The following DUSP16 variants were observed in gnomAD, a reference collection of about 807,000 sequenced individuals.
DUSP16 encodes the protein dual specificity phosphatase 16.
A neutral mutation model predicts 58.3 loss-of-function variants in DUSP16; 21 were observed. The ratio of observed to expected loss-of-function variants is 0.36; its 90% CI spans 0.26 to 0.52. DUSP16 has a LOEUF of 0.52. Among genes scored for constraint, DUSP16 ranks in the 20% least tolerant of loss-of-function variants. The pLI is 0.94. For missense variants in DUSP16, 726 were observed against 819.0 expected (o/e 0.89, Z 1.39); for synonymous variants, 320 against 323.8 (o/e 0.99, Z 0.12).
chr12:12,562,563 G>T lies in DUSP16; in HGVS notation c.-812C>A, dbSNP rs1316066353. On this transcript the variant is annotated 5_prime_UTR_variant, in exon 1 of 7. Coordinates refer to ENST00000298573, the MANE Select transcript of DUSP16 (RefSeq NM_030640.3). ...ATACATAGAAAGAGGGGGAAAGGCG[G>T]GGGGGTGGGGTGGGGGGTTGGGGGA... Among the ~76,000 whole-genome samples, 1 of 148,934 alleles carries T rather than the reference G, an allele frequency of 6.7e-6. No homozygotes were observed. Among genetic ancestry groups the T allele is most frequent in the Admixed American group, 6.7e-5 (1 of 15,014 alleles).
At chr12:12,484,451 A>G (rs1053041886) in intron 5 of DUSP16, among the ~76,000 whole-genome samples, 4 of 152,086 alleles carry the variant, frequency 2.6e-5, no homozygotes, top group African/African-American at 9.7e-5. Context: ...CATATTCTCT[A>G]TTCTCTTCTC....
At chr12:12,524,249 G>A (rs1944272705) in intron 1 of DUSP16, among the ~76,000 whole-genome samples, 1 of 152,198 alleles carries the variant, frequency 6.6e-6, no homozygotes, top group African/African-American at 2.4e-5. Flanking sequence ...TCTGGTCAAA[G>A]TGACTCTAAG....
At position 12,520,944 on chromosome 12, in the gene DUSP16, T is replaced by A; in HGVS notation, c.155A>T (p.Lys52Met). The A allele has an allele frequency of 6.2e-7, 1 of 1,614,210 alleles. No homozygotes were observed. Among genetic ancestry groups the A allele is most frequent in the Non-Finnish European group, 8.5e-7 (1 of 1,180,034 alleles). ...CTGTTGCAACCTTCGCTTCATAAGC[T>A]TGGAGCAGTTGATATTAATGGCTTC... Reference protein sequence around the residue: ...ILEAININCSKLMKRRLQQDK... With the variant: ...ILEAININCSMLMKRRLQQDK... Residue 52 changes from lysine to methionine, a missense_variant, in exon 2 of 7, where the codon AAG becomes ATG. Transcript: ENST00000298573.
At chr12:12,503,006 C>CA (rs1251186770) in intron 3 of DUSP16, among the ~76,000 whole-genome samples, 1 of 152,146 alleles carries the variant, frequency 6.6e-6, no homozygotes, top group African/African-American at 2.4e-5. Context: ...AGTAAGAACA[C>CA]AAGCCCTTGT....
At chr12:12,486,395 A>G (rs1423585223) in intron 5 of DUSP16, among the ~76,000 whole-genome samples, 1 of 152,168 alleles carries the variant, frequency 6.6e-6, no homozygotes, top group Admixed American at 6.5e-5. Flanking sequence ...GAGAAGCTCC[A>G]GAATTGAACA....
At chr12:12,513,734 T>C (rs1011742014) in intron 3 of DUSP16, among the ~76,000 whole-genome samples, 6 of 152,338 alleles carry the variant, frequency 3.9e-5, no homozygotes, top group East Asian at 3.9e-4. Flanking sequence ...AAGGACATAG[T>C]AGAACAGCAT....
intron 3 of DUSP16, among the ~76,000 whole-genome samples, chr12:12,501,707 C>T (rs1021979074): frequency 6.6e-5 from 10 of 152,112 alleles, no homozygotes; most frequent in Non-Finnish European, 1.5e-4. Context: ...AATTTAAAAA[C>T]AAGGCAGGGC....
chr12:12,513,614 A>G (rs909332011), intron 3 of DUSP16, among the ~76,000 whole-genome samples: 1 of 152,202 alleles, frequency 6.6e-6, no homozygotes, highest in Non-Finnish European at 1.5e-5. Context: ...TTCTCCCGCA[A>G]TCGCTGTAGG....
chr12:12,540,397 G>C (rs146186272), intron 1 of DUSP16, among the ~76,000 whole-genome samples: 2 of 152,042 alleles, frequency 1.3e-5, no homozygotes, highest in Non-Finnish European at 2.9e-5. Context: ...AGGAGTTTTC[G>C]TAACATATTA....
In DUSP16 at chr12:12,521,206, G is replaced by T; in HGVS notation, c.-108C>A. 6.6e-7 allele frequency: 1 copy of T among 1,507,354 alleles called. No homozygotes were observed. The highest frequency in any genetic ancestry group is 8.9e-7 in the Non-Finnish European group (1 of 1,128,456). 93.4% of individuals were successfully genotyped at this position (1,507,354 alleles called of 1,614,324 possible). A position where few individuals can be genotyped will look rare whatever the true frequency, so the allele number is the denominator to read the frequency against. On this transcript the variant is annotated 5_prime_UTR_variant, in exon 2 of 7. Coordinates refer to ENST00000298573, the MANE Select transcript of DUSP16 (RefSeq NM_030640.3). ...CTCCATTGTACTAAAAGTGTATGAG[G>T]TCAGGCTGGTGGTGACTGGCAAAAG... is the stretch of plus-strand genomic sequence containing the variant.
At chr12:12,523,803 C>A (rs149707887) in intron 1 of DUSP16, among the ~76,000 whole-genome samples, 1 of 152,200 alleles carries the variant, frequency 6.6e-6, no homozygotes, top group African/African-American at 2.4e-5. Flanking sequence ...CAAACCAGGG[C>A]TTCTACTACT....
intron 3 of DUSP16, among the ~76,000 whole-genome samples, chr12:12,507,385 T>C (rs995114155): frequency 2.0e-5 from 3 of 152,166 alleles, no homozygotes; most frequent in African/African-American, 4.8e-5. Context: ...ATTTATCAAC[T>C]GGCAGAGCCG....
In DUSP16 at chr12:12,473,453, C is replaced by T. The variant is rs1192156322; in HGVS notation, c.*3380G>A. 1.3e-5 allele frequency among the ~76,000 whole-genome samples: 2 copies of T among 152,190 alleles called. No individual in the cohort carries two copies. Among genetic ancestry groups the T allele is most frequent in the East Asian group, 3.8e-4 (2 of 5,198 alleles). On this transcript the variant is annotated 3_prime_UTR_variant, in exon 7 of 7. Transcript: ENST00000298573. ...AAGCCTCTCACTGAAACAACTGTTC[C>T]TCCTGTTACCCTCTATCTCTGGAGG...
In DUSP16 at chr12:12,519,856, C is replaced by A. The variant is rs548293909; in HGVS notation, c.367+6G>T. ...TGAGTCCTTTTAATTCCATCACGAGCCTTACCTGCAAGCAGGTGAACAGAG... is the reference window on the plus strand; with the variant it reads ...TGAGTCCTTTTAATTCCATCACGAGACTTACCTGCAAGCAGGTGAACAGAG... On this transcript the variant is annotated splice_donor_region_variant and intron_variant, in intron 3 of 6. Coordinates refer to ENST00000298573, the MANE Select transcript of DUSP16 (RefSeq NM_030640.3). 9.9e-6 allele frequency: 16 copies of A among 1,613,780 alleles called. No individual in the cohort carries two copies. Among genetic ancestry groups the A allele is most frequent in the Middle Eastern group, 1.6e-4 (1 of 6,084 alleles).
intron 3 of DUSP16, among the ~76,000 whole-genome samples, chr12:12,505,450 C>T (rs939775791): frequency 2.0e-5 from 3 of 152,212 alleles, no homozygotes; most frequent in African/African-American, 7.2e-5. Flanking sequence ...GGCAATTTCA[C>T]ATGACACCAA....
In DUSP16 at chr12:12,477,308, C is replaced by T. The variant is rs1405964121; in HGVS notation, c.1523G>A (p.Ser508Asn). The change falls in exon 7 of 7, where the codon AGC (serine) becomes AAC (asparagine). Residue 508 changes from serine (S) to asparagine (N), a missense_variant. Physicochemically the swap from Ser to Asn is conservative, Grantham distance 46. Transcript: ENST00000298573. The surrounding 1 kb of genome is among the most constrained non-coding windows in gnomAD (Gnocchi z 4.1). Reference sequence around the variant, plus strand: ...GCTGGTGTGGTAATTGTCCTCCACGCTCCCACTTCGATGCAGTGGAGATAA... The same window carrying T: ...GCTGGTGTGGTAATTGTCCTCCACGTTCCCACTTCGATGCAGTGGAGATAA... ...SLLSPLHRSG[S>N]VEDNYHTSFL... is the part of the protein sequence containing the mutation. 1 of 1,614,134 alleles carries T rather than the reference C, an allele frequency of 6.2e-7. No individual in the cohort carries two copies. Among genetic ancestry groups the T allele is most frequent in the Non-Finnish European group, 8.5e-7 (1 of 1,180,064 alleles).
intron 1 of DUSP16, among the ~76,000 whole-genome samples, chr12:12,547,143 T>C (rs1944651373): frequency 6.6e-6 from 1 of 152,136 alleles, no homozygotes; most frequent in African/African-American, 2.4e-5. Flanking sequence ...TTTAAAACAA[T>C]AACAGGCCAG....
At position 12,532,539 on chromosome 12, in the gene DUSP16, T is replaced by C. The variant is rs1406631635; in HGVS notation, c.-365-11076A>G. Among the ~76,000 whole-genome samples the C allele has an allele frequency of 2.0e-5, 3 of 152,126 alleles. No homozygotes were observed. In the East Asian group the frequency reaches 5.8e-4, roughly 29 times the overall value. On this transcript the variant is annotated intron_variant, in intron 1 of 6. Transcript: ENST00000298573. ...ATACTCTTTTCCATAACCTTGGAAA[T>C]TATGAAAAATATTAATATAAGGTCA...
chr12:12,504,386 C>G lies in DUSP16; in HGVS notation c.368-3704G>C, dbSNP rs528092423. Reference sequence around the variant, plus strand: ...AAGTGATCCTCCCACCTCAGCTTCCCGAGTAGCCAGGGCTACAGGGGAACA... The same window carrying G: ...AAGTGATCCTCCCACCTCAGCTTCCGGAGTAGCCAGGGCTACAGGGGAACA... On this transcript the variant is annotated intron_variant, in intron 3 of 6. Transcript: ENST00000298573. Among the ~76,000 whole-genome samples, 5 of 152,106 alleles carry G rather than the reference C, an allele frequency of 3.3e-5. No homozygotes were observed. In the South Asian group the frequency reaches 8.3e-4, roughly 25 times the overall value.
Sources: allele counts gnomAD v4.1 joint callset (sites outside exome capture counted in the v4.1 genomes callset), GRCh38; gene constraint gnomAD v4.1.1; non-coding constraint Gnocchi (gnomAD v3.1); transcripts MANE v1.5; gene names NCBI Gene and HGNC (gene_info 2026-07-23, HGNC 2026-07-21).